The following SLC35D2 variants were observed in gnomAD, a reference collection of about 807,000 sequenced individuals.
SLC35D2 encodes nucleotide sugar transporter SLC35D2.
A neutral mutation model predicts 41.8 loss-of-function variants in SLC35D2; 43 were observed. That is an observed-to-expected ratio of 1.03 (90% CI 0.81 to 1.33). The LOEUF (loss-of-function observed/expected upper bound fraction) is 1.33. Ranked by LOEUF, SLC35D2 falls within the 40% of genes most tolerant of loss-of-function variation. The pLI is 0.00. For missense variants in SLC35D2, 380 were observed against 408.4 expected (o/e 0.93, Z 0.60); for synonymous variants, 150 against 163.9 (o/e 0.92, Z 0.65).
At chr9:96,356,382 CTTTTTT>C (rs199569097) in intron 4 of SLC35D2, among the ~76,000 whole-genome samples, 1 of 101,432 alleles carries the variant, frequency 9.9e-6, no homozygotes, top group Non-Finnish European at 2.1e-5. Context: ...TTTATTTATT[CTTTTTT>C]TTTTTTTTTT....
At position 96,350,347 on chromosome 9, in the gene SLC35D2, CTTTTTTTTTTTTTT is replaced by C. The variant is rs57531044; in HGVS notation, c.488+742_488+755del. Among the ~76,000 whole-genome samples, 351 of 91,030 alleles carry C rather than the reference CTTTTTTTTTTTTTT, an allele frequency of 3.9e-3. 3 individuals are homozygous for C. The highest frequency in any genetic ancestry group is 0.016 in the African/African-American group (324 of 20,080). 59.7% of individuals were successfully genotyped at this position (91,030 alleles called of 152,430 possible). On this transcript the variant is annotated intron_variant, in intron 6 of 11. Transcript: ENST00000253270. Reference sequence around the variant, plus strand: ...CACGACGCCAGGCTAATTTTCTTTCCTTTTTTTTTTTTTTTTTTTTTTTTTTTGTAGAAATAGGT... The same window carrying C: ...CACGACGCCAGGCTAATTTTCTTTCCTTTTTTTTTTTTTGTAGAAATAGGT...
intron 1 of SLC35D2, among the ~76,000 whole-genome samples, chr9:96,376,403 G>A (rs772259404): frequency 1.3e-5 from 2 of 150,742 alleles, no homozygotes; most frequent in Admixed American, 6.6e-5. Flanking sequence ...TCAGGAGTTC[G>A]AGACCAGCCT....
At chr9:96,367,921 TTGAG>T (rs1180514948) in intron 2 of SLC35D2, among the ~76,000 whole-genome samples, 3 of 152,194 alleles carry the variant, frequency 2.0e-5, no homozygotes, top group Admixed American at 6.5e-5. Context: ...AGCTGACACT[TTGAG>T]TGGGACAAGT....
chr9:96,337,981 CAAAAAAAAA>C (rs67714645), intron 8 of SLC35D2, among the ~76,000 whole-genome samples: 2 of 33,906 alleles, frequency 5.9e-5, no homozygotes, highest in Non-Finnish European at 1.0e-4. Flanking sequence ...AACTCCACCT[CAAAAAAAAA>C]AAAAAAAAAA....
At chr9:96,370,122 G>T (rs749123285) in intron 1 of SLC35D2, among the ~76,000 whole-genome samples, 1 of 152,094 alleles carries the variant, frequency 6.6e-6, no homozygotes, top group East Asian at 1.9e-4. Flanking sequence ...GTTGGTCTCT[G>T]CAGGGGTATA....
intron 6 of SLC35D2, among the ~76,000 whole-genome samples, chr9:96,348,011 C>T (rs912263454): frequency 6.6e-6 from 1 of 152,298 alleles, no homozygotes; most frequent in Admixed American, 6.5e-5. Flanking sequence ...TAAAAATGGG[C>T]AACCAGCAGC....
chr9:96,372,730 G>T (rs1185061474), intron 1 of SLC35D2, among the ~76,000 whole-genome samples: 1 of 149,496 alleles, frequency 6.7e-6, no homozygotes, highest in Non-Finnish European at 1.5e-5. Context: ...GATTACAGGC[G>T]CGCACCACCA....
chr9:96,351,204 G>T, intron 5 of SLC35D2, 33 bp from the exon 6 acceptor site: 1 of 1,401,734 alleles, frequency 7.1e-7, no homozygotes. Context: ...AAAGGAAAGG[G>T]AGCAGAGAGG....
intron 8 of SLC35D2, among the ~76,000 whole-genome samples, chr9:96,342,808 G>A (rs1829395616): frequency 6.6e-6 from 1 of 152,194 alleles, no homozygotes; most frequent in Non-Finnish European, 1.5e-5. Context: ...CTGCCCAGGA[G>A]TCCACAGCAG....
Position 96,322,025 on chromosome 9 carries a change from A to C in SLC35D2, c.887T>G (p.Leu296Trp). The C allele has an allele frequency of 1.2e-6, 2 of 1,606,414 alleles. No homozygotes were observed. Among genetic ancestry groups the C allele is most frequent in the Non-Finnish European group, 1.7e-6 (2 of 1,173,616 alleles). Reference sequence around the variant, plus strand: ...AATATTTAACCCTACAAAGTTTAACAAAGAGAAAATGTAGTCTCCACCGAT... The same window carrying C: ...AATATTTAACCCTACAAAGTTTAACCAAGAGAAAATGTAGTCTCCACCGAT... ...ILIGGDYIFS[L>W]LNFVGLNICM... The change falls in exon 11 of 12, where the codon TTG becomes TGG. Residue 296 changes from leucine (L) to tryptophan (W), a missense_variant. Transcript: ENST00000253270.
At chr9:96,366,804 C>G (rs1043700408) in intron 2 of SLC35D2, among the ~76,000 whole-genome samples, 7 of 150,472 alleles carry the variant, frequency 4.7e-5, no homozygotes, top group Admixed American at 3.3e-4. Context: ...CGTGCTTTTT[C>G]CTAATATTTT....
rs573902519 is a variant in SLC35D2, at chr9:96,346,432, C to T, written c.489-1031G>A. Among the ~76,000 whole-genome samples the T allele has an allele frequency of 2.2e-4, 33 of 152,232 alleles. No homozygotes were observed. The South Asian group carries it at 5.6e-3, about 26-fold the overall frequency. On this transcript the variant is annotated intron_variant, in intron 6 of 11. Transcript: ENST00000253270. ...TGTTTATGCAGATGCATCTCAGGGCCGACCCTCCGTCCAGTGATAGGAATT... is the reference window on the plus strand; with the variant it reads ...TGTTTATGCAGATGCATCTCAGGGCTGACCCTCCGTCCAGTGATAGGAATT...
Position 96,320,770 on chromosome 9 carries a change from A to G in SLC35D2, c.*472T>C, listed in dbSNP as rs1828178262. ...AAAGATACCAACATAGCTTTCATCA[A>G]AGCTAACAAATAACTTTACTGGCAG... On this transcript the variant is annotated 3_prime_UTR_variant, in exon 12 of 12. Transcript: ENST00000253270. 4 of 152,510 alleles carry G rather than the reference A, an allele frequency of 2.6e-5. No individual in the cohort carries two copies. Among genetic ancestry groups the G allele is most frequent in the Admixed American group, 2.6e-4 (4 of 15,294 alleles). The allele number at this position is 152,510 out of a possible 1,614,324, so 9.4% of individuals were successfully genotyped here. A position where few individuals can be genotyped will look rare whatever the true frequency, so the allele number is the denominator to read the frequency against.
chr9:96,338,173 C>T (rs1829140034), intron 8 of SLC35D2, among the ~76,000 whole-genome samples: 1 of 152,104 alleles, frequency 6.6e-6, no homozygotes. Flanking sequence ...TGCTCAATAA[C>T]ATGATCGAAT....
At chr9:96,358,821 G>A (rs1406435640) in intron 4 of SLC35D2, among the ~76,000 whole-genome samples, 1 of 150,806 alleles carries the variant, frequency 6.6e-6, no homozygotes, top group African/African-American at 2.4e-5. Flanking sequence ...AAACCCCGTC[G>A]TTACTAAAAA....
chr9:96,341,455 T>C (rs1420837550), intron 8 of SLC35D2, among the ~76,000 whole-genome samples: 1 of 152,172 alleles, frequency 6.6e-6, no homozygotes, highest in Non-Finnish European at 1.5e-5. Flanking sequence ...CCAGAGTGCC[T>C]GGACTGACCA....
rs73534946 is a variant in SLC35D2 at position 96,339,879 on chromosome 9, G to A, written c.685-3095C>T. ...GTCCAAAGTCTGGGCTTGAATTCCC[G>A]GAGGAATGAGTCACACACACACATT... On this transcript the variant is annotated intron_variant, in intron 8 of 11. Coordinates refer to ENST00000253270, the MANE Select transcript of SLC35D2 (RefSeq NM_007001.3). 2.6e-3 allele frequency among the ~76,000 whole-genome samples: 390 copies of A among 152,212 alleles called. 1 individual carries two copies. The highest frequency in any genetic ancestry group is 8.8e-3 in the African/African-American group (364 of 41,520).
At chr9:96,319,775 C>T (rs887326373), downstream of SLC35D2, among the ~76,000 whole-genome samples, 22 of 152,212 alleles carry the variant, frequency 1.4e-4, 1 homozygote, top group Non-Finnish European at 1.9e-4. Flanking sequence ...GTTGGGATTA[C>T]AGGCGTGAAC....
At chr9:96,375,281 A>T (rs540695256) in intron 1 of SLC35D2, among the ~76,000 whole-genome samples, 2 of 152,088 alleles carry the variant, frequency 1.3e-5, no homozygotes, top group Admixed American at 6.6e-5. Flanking sequence ...AACTTTTCTT[A>T]AAAAACGTAC....
Sources: gnomAD v4.1 joint callset for allele counts (sites outside exome capture counted in the v4.1 genomes callset) on GRCh38, gnomAD v4.1.1 for gene constraint, MANE v1.5 for transcripts, NCBI Gene and HGNC (gene_info 2026-07-23, HGNC 2026-07-21) for gene names.